Variants in ZFYVE16 observed in about 807,000 individuals in gnomAD.
ZFYVE16 encodes zinc finger FYVE-type containing 16, also known as zinc finger FYVE domain-containing protein 16.
A neutral mutation model predicts 138.1 loss-of-function variants in ZFYVE16; 89 were observed. The observed-to-expected ratio is 0.64, with a 90% CI of 0.54 to 0.77. The LOEUF is 0.77. ZFYVE16 is among the 30% of genes least tolerant of loss of function. ZFYVE16 has a pLI of 0.00. For synonymous variants in ZFYVE16, 596 were observed against 618.3 expected (o/e 0.96, Z 0.53); for missense variants, 1,793 against 1,786.7 (o/e 1.00, Z -0.06).
rs745466308 is a variant in ZFYVE16 at position 80,450,504 on chromosome 5, A to G, written c.3300A>G (p.Leu1100=). 10 of 1,613,514 alleles carry G rather than the reference A, an allele frequency of 6.2e-6. No homozygotes were observed. The highest frequency in any genetic ancestry group is 4.2e-6 in the Non-Finnish European group (5 of 1,179,656). Reference sequence around the variant, plus strand: ...TGGGACAGGCAGAAATTATTATTCTATTGTTATGTTTGCCAAATGAAGATA... The same window carrying G: ...TGGGACAGGCAGAAATTATTATTCTGTTGTTATGTTTGCCAAATGAAGATA... ...HGLGQAEIII[L]LLCLPNEDTI... Residue 1100 remains leucine (L), a synonymous_variant, in exon 10 of 19, where the codon CTA becomes CTG. Coordinates refer to ENST00000505560, the MANE Select transcript of ZFYVE16 (RefSeq NM_001284236.3).
At chr5:80,465,272 C>G (rs1039552551) in intron 15 of ZFYVE16, among the ~76,000 whole-genome samples, 1 of 151,756 alleles carries the variant, frequency 6.6e-6, no homozygotes, top group African/African-American at 2.4e-5. Context: ...CTAATTTCTC[C>G]TTCATTTTTG....
rs34251088 is a variant in ZFYVE16 at position 80,437,336 on chromosome 5, T to G, written c.651T>G (p.Asp217Glu). Residue 217 changes from aspartate to glutamate, a missense_variant, in exon 4 of 19, where the codon GAT becomes GAG. Physicochemically the swap from Asp to Glu is conservative, Grantham distance 45. This residue lies in a region of ZFYVE16 where 1,295 missense variants were observed against 1,204.3 expected (regional missense o/e 1.08). Transcript: ENST00000505560. ...LGIKVDTTLS[D>E]SYNYSGTENL... ...TAAAAGTAGATACAACACTTTCAGA[T>G]TCCTATAATTACAGTGGAACAGAAA... 9.7e-4 allele frequency: 1,551 copies of G among 1,600,958 alleles called. 26 individuals carry two copies. The highest frequency in any genetic ancestry group is 2.0e-4 in the Admixed American group (11 of 56,054).
At chr5:80,469,035 T>C (rs1754017273) in intron 15 of ZFYVE16, among the ~76,000 whole-genome samples, 1 of 152,034 alleles carries the variant, frequency 6.6e-6, no homozygotes, top group African/African-American at 2.4e-5. Flanking sequence ...ATATCTGTCA[T>C]TCTGATAATG....
intron 18 of ZFYVE16, 52 bp downstream of exon 18, chr5:80,474,882 C>G (rs757650234): frequency 6.5e-7 from 1 of 1,549,264 alleles, no homozygotes; most frequent in Non-Finnish European, 8.7e-7. Flanking sequence ...TGCATATTAA[C>G]AAGTTTTTCT....
rs1368274030 is a variant in ZFYVE16, at chr5:80,479,214, T to TTTAA, written c.*1840_*1843dup. On this transcript the variant is annotated 3_prime_UTR_variant, in exon 19 of 19. Coordinates refer to ENST00000505560, the MANE Select transcript of ZFYVE16 (RefSeq NM_001284236.3). ...TGGTCATTGGTACTTAATTTGAAATTTTAATTTTTTAAGAGAAGAAATAGA... is the reference window on the plus strand; with the variant it reads ...TGGTCATTGGTACTTAATTTGAAATTTTAATTAATTTTTTAAGAGAAGAAATAGA... The TTTAA allele has an allele frequency of 2.0e-5, 3 of 152,184 alleles. No individual in the cohort carries two copies. Among genetic ancestry groups the TTTAA allele is most frequent in the African/African-American group, 7.2e-5 (3 of 41,454 alleles). 9.4% of individuals were successfully genotyped at this position (152,184 alleles called of 1,614,324 possible). A position where few individuals can be genotyped will look rare whatever the true frequency, so the allele number is the denominator to read the frequency against.
In ZFYVE16 at chr5:80,434,215, C is replaced by T. The variant is rs1308987650; in HGVS notation, c.68C>T (p.Pro23Leu). 1 of 1,612,654 alleles carries T rather than the reference C, an allele frequency of 6.2e-7. No homozygotes were observed. The highest frequency in any genetic ancestry group is 8.5e-7 in the Non-Finnish European group (1 of 1,179,242). The change falls in exon 3 of 19, where the codon CCA becomes CTA. Residue 23 changes from proline to leucine, a missense_variant and splice_region_variant. By Grantham distance (98) the Pro-to-Leu change is moderately conservative (BLOSUM62 -3). Transcript: ENST00000505560. ...CTCCTTGATGATTTTGAACAGAACC[C>T]AGGTTTGTTGATTTTCCATTTTTGC... ...DKLLDDFEQN[P>L]DEQDYLQDVQ...
chr5:80,471,457 G>T (rs1580365819), intron 15 of ZFYVE16, among the ~76,000 whole-genome samples: 3 of 152,216 alleles, frequency 2.0e-5, no homozygotes, highest in Admixed American at 6.5e-5. Flanking sequence ...TTATGTTAAA[G>T]AATTACTTCA....
At chr5:80,427,040 T>C (rs1043545650) in intron 1 of ZFYVE16, among the ~76,000 whole-genome samples, 5 of 150,930 alleles carry the variant, frequency 3.3e-5, no homozygotes, top group African/African-American at 1.2e-4. Context: ...GCCATATAAA[T>C]GTCTTTTTTT....
At chr5:80,463,916 C>T (rs566391449) in intron 15 of ZFYVE16, among the ~76,000 whole-genome samples, 17 of 152,284 alleles carry the variant, frequency 1.1e-4, no homozygotes, top group African/African-American at 4.1e-4. Flanking sequence ...GCAACAGTCA[C>T]CTTTATTCTA....
chr5:80,457,223 T>C, intron 14 of ZFYVE16, 131 bp downstream of exon 14: 1 of 1,314,848 alleles, frequency 7.6e-7, no homozygotes, highest in Non-Finnish European at 1.0e-6. Flanking sequence ...TTTTGAAATT[T>C]CAGCTACACA....
intron 18 of ZFYVE16, among the ~76,000 whole-genome samples, chr5:80,475,726 TTTATC>T (rs1170637893): frequency 6.6e-6 from 1 of 152,176 alleles, no homozygotes; most frequent in African/African-American, 2.4e-5. Context: ...TGTACCATAA[TTTATC>T]TAACTAATTA....
At chr5:80,419,405 A>G (rs1428581443) in intron 1 of ZFYVE16, among the ~76,000 whole-genome samples, 1 of 151,880 alleles carries the variant, frequency 6.6e-6, no homozygotes, top group Non-Finnish European at 1.5e-5. Flanking sequence ...TGTTTTATTG[A>G]TCTACGTGTC....
chr5:80,448,911 C>T (rs1751686676), intron 8 of ZFYVE16, among the ~76,000 whole-genome samples: 1 of 152,016 alleles, frequency 6.6e-6, no homozygotes, highest in Non-Finnish European at 1.5e-5. Context: ...CTAACCCCCA[C>T]CCCAGAGTGG....
intron 7 of ZFYVE16, 80 bp downstream of exon 7, chr5:80,445,485 C>CTT (rs34312342): frequency 4.4e-4 from 436 of 991,846 alleles, no homozygotes; most frequent in South Asian, 7.1e-4. Context: ...TATTAGAGTG[C>CTT]TTTTTTTTTT....
rs200683892 is a variant in ZFYVE16 at position 80,439,932 on chromosome 5, A to G, written c.2323-4A>G. 4.4e-6 allele frequency: 7 copies of G among 1,601,138 alleles called. No individual in the cohort carries two copies. Among genetic ancestry groups the G allele is most frequent in the Non-Finnish European group, 6.0e-6 (7 of 1,173,262 alleles). On this transcript the variant is annotated splice_polypyrimidine_tract_variant and splice_region_variant and intron_variant, in intron 4 of 18. Transcript: ENST00000505560. ...AGACAAATTTGATATTTTATTCTTT[A>G]TAGGTATTTTGTGGTGTCTGTTGTA...
chr5:80,455,786 A>T lies in ZFYVE16; in HGVS notation c.3690+12A>T. 6.4e-7 allele frequency: 1 copy of T among 1,561,294 alleles called. No individual in the cohort carries two copies. The highest frequency in any genetic ancestry group is 8.6e-7 in the Non-Finnish European group (1 of 1,160,856). ...TGAACTTACTTGTTGTGAGTAATTG[A>T]ACTATTTTATTAGGTATTTTTATAC... On this transcript the variant is annotated intron_variant, in intron 12 of 18. Transcript: ENST00000505560.
At chr5:80,418,754 G>C (rs1031944520) in intron 1 of ZFYVE16, among the ~76,000 whole-genome samples, 1 of 152,106 alleles carries the variant, frequency 6.6e-6, no homozygotes, top group African/African-American at 2.4e-5. Flanking sequence ...CAGAGTGCAA[G>C]TTTTACATTT....
intron 2 of ZFYVE16, among the ~76,000 whole-genome samples, chr5:80,429,479 C>G (rs968822139): frequency 6.6e-6 from 1 of 152,172 alleles, no homozygotes; most frequent in Non-Finnish European, 1.5e-5. Context: ...ACAGCTGGTA[C>G]CAGCCACTGC....
intron 7 of ZFYVE16, among the ~76,000 whole-genome samples, chr5:80,446,943 C>T (rs948749503): frequency 1.1e-4 from 17 of 151,956 alleles, no homozygotes; most frequent in African/African-American, 3.4e-4. Flanking sequence ...GTCACCTGGT[C>T]GATTCTGGGT....
Sources: gnomAD v4.1 joint callset for allele counts (sites outside exome capture counted in the v4.1 genomes callset) on GRCh38, gnomAD v4.1.1 for gene constraint, gnomAD v4.1.1 regional missense constraint, MANE v1.5 for transcripts, NCBI Gene and HGNC (gene_info 2026-07-23, HGNC 2026-07-21) for gene names.